PSMD1: variants seen among roughly 807,000 people sequenced by gnomAD.
PSMD1 encodes proteasome 26S subunit, non-ATPase 1.
In PSMD1, 18 loss-of-function variants were observed where a neutral mutation model predicts 119.0. The ratio of observed to expected loss-of-function variants is 0.15; its 90% CI spans 0.10 to 0.22. PSMD1 has a LOEUF of 0.22. Among genes scored for constraint, PSMD1 ranks in the 10% least tolerant of loss-of-function variants. The pLI is 1.00. For missense variants in PSMD1, 702 were observed against 1,158.5 expected, an observed-to-expected ratio of 0.61 and a Z score of 5.72; for synonymous variants, 374 against 396.6, an observed-to-expected ratio of 0.94 and a Z score of 0.68.
intron 14 of PSMD1, among the ~76,000 whole-genome samples, chr2:231,084,763 T>C (rs964880710): frequency 1.3e-5 from 2 of 152,206 alleles, no homozygotes; most frequent in African/African-American, 2.4e-5. Flanking sequence ...TGACTTGACT[T>C]TATACTTCCT....
rs925211355 is a variant in PSMD1, at chr2:231,143,785, T to G, written c.1999-2455T>G. Among the ~76,000 whole-genome samples, 5 of 152,326 alleles carry G rather than the reference T, an allele frequency of 3.3e-5. No homozygotes were observed. The East Asian group carries it at 5.8e-4, about 18-fold the overall frequency. On this transcript the variant is annotated intron_variant, in intron 17 of 24. Coordinates refer to ENST00000308696, the MANE Select transcript of PSMD1 (RefSeq NM_002807.4). ...TACAGTATGCCTGAACTCCCAAACT[T>G]ATTTATTAAAGGACTTCTTTTTTCA... is the stretch of plus-strand genomic sequence containing the variant.
intron 17 of PSMD1, among the ~76,000 whole-genome samples, chr2:231,139,546 C>A (rs1696054925): frequency 7.8e-6 from 1 of 127,674 alleles, no homozygotes; most frequent in Admixed American, 7.8e-5. Context: ...TGTGCCTGGC[C>A]CATTGATTTC....
At chr2:231,108,772 G>T (rs781205115) in intron 16 of PSMD1, 1 of 1,614,100 alleles carries the variant, frequency 6.2e-7, no homozygotes, top group South Asian at 1.1e-5. Context: ...CCCGGTAATT[G>T]CAGGTGATAT....
intron 1 of PSMD1, among the ~76,000 whole-genome samples, chr2:231,059,863 A>G (rs2125149194): frequency 6.6e-6 from 1 of 152,310 alleles, no homozygotes; most frequent in African/African-American, 2.4e-5. Flanking sequence ...GATGGGAAAT[A>G]CTAATGTATG....
At chr2:231,074,105 AT>A (rs1172000797) in intron 7 of PSMD1, among the ~76,000 whole-genome samples, 1 of 151,816 alleles carries the variant, frequency 6.6e-6, no homozygotes, top group Non-Finnish European at 1.5e-5. Context: ...GGGGGATAGA[AT>A]TTTTTATTTA....
At chr2:231,112,089 T>A (rs1239730158) in intron 16 of PSMD1, among the ~76,000 whole-genome samples, 2 of 152,180 alleles carry the variant, frequency 1.3e-5, no homozygotes, top group Non-Finnish European at 2.9e-5. Context: ...TTAATTATTC[T>A]TAAGGATCCA....
intron 16 of PSMD1, among the ~76,000 whole-genome samples, chr2:231,092,346 T>C (rs907456451): frequency 1.3e-5 from 2 of 151,246 alleles, no homozygotes; most frequent in Non-Finnish European, 3.0e-5. Context: ...AAACGTGGAG[T>C]TTTGGGGTGT....
chr2:231,087,676 C>T (rs1694485866), intron 16 of PSMD1, among the ~76,000 whole-genome samples: 1 of 152,058 alleles, frequency 6.6e-6, no homozygotes, highest in South Asian at 2.1e-4. Flanking sequence ...AGAAGTCATA[C>T]TCTTGGCTGG....
rs567101681 is a variant in PSMD1, at chr2:231,166,226, C to T, written c.2715+209C>T. 6.8e-4 allele frequency among the ~76,000 whole-genome samples: 103 copies of T among 152,264 alleles called. 1 individual carries two copies. In the South Asian group the frequency reaches 0.02, roughly 29 times the overall value. ...TTCCCTGTGTAACCCTACAAACTCCCGTCTTCTACCACAGACATACGACGT... is the reference window on the plus strand; with the variant it reads ...TTCCCTGTGTAACCCTACAAACTCCTGTCTTCTACCACAGACATACGACGT... On this transcript the variant is annotated intron_variant, in intron 23 of 24. Coordinates refer to ENST00000308696, the MANE Select transcript of PSMD1 (RefSeq NM_002807.4).
intron 18 of PSMD1, among the ~76,000 whole-genome samples, chr2:231,150,685 G>T (rs1696356762): frequency 6.6e-6 from 1 of 152,016 alleles, no homozygotes; most frequent in Non-Finnish European, 1.5e-5. Context: ...ATAATATATG[G>T]ATATGTATCA....
chr2:231,155,476 T>C (rs529238633), intron 19 of PSMD1, among the ~76,000 whole-genome samples: 27 of 151,130 alleles, frequency 1.8e-4, no homozygotes, highest in Non-Finnish European at 3.4e-4. Flanking sequence ...TTTATAATTT[T>C]AGATAATCTC....
intron 16 of PSMD1, among the ~76,000 whole-genome samples, chr2:231,120,435 A>AT: frequency 6.6e-6 from 1 of 152,316 alleles, no homozygotes; most frequent in East Asian, 1.9e-4. Flanking sequence ...GATTTTAGGA[A>AT]TTATGGACAA....
chr2:231,091,466 C>T (rs1348274903), intron 16 of PSMD1, among the ~76,000 whole-genome samples: 2 of 152,204 alleles, frequency 1.3e-5, no homozygotes, highest in Non-Finnish European at 2.9e-5. Context: ...CCTACATCTC[C>T]TCCTTCCTTT....
At chr2:231,166,418 T>G (rs1696786279) in intron 23 of PSMD1, among the ~76,000 whole-genome samples, 1 of 152,132 alleles carries the variant, frequency 6.6e-6, no homozygotes. Context: ...CATCCCTGAC[T>G]CAGAAATGAG....
intron 24 of PSMD1, among the ~76,000 whole-genome samples, chr2:231,171,692 G>A (rs1696915579): frequency 6.6e-6 from 1 of 151,924 alleles, no homozygotes; most frequent in African/African-American, 2.4e-5. Context: ...GAGTAGCTGG[G>A]ATTACAGGCA....
chr2:231,096,653 G>C (rs952301950), intron 16 of PSMD1, among the ~76,000 whole-genome samples: 2 of 152,352 alleles, frequency 1.3e-5, no homozygotes, highest in Non-Finnish European at 1.5e-5. Flanking sequence ...AGCAAGGCAA[G>C]TTACTTCTAT....
At position 231,107,145 on chromosome 2, in the gene PSMD1, T is replaced by C. The variant is rs193245765; in HGVS notation, c.1883+19964T>C. On this transcript the variant is annotated intron_variant, in intron 16 of 24. Coordinates refer to ENST00000308696, the MANE Select transcript of PSMD1 (RefSeq NM_002807.4). ...ATTTAGGAATTAAATGTGTATGATA[T>C]ACTCTTCCCAGCAGATTATATATAG... Among the ~76,000 whole-genome samples, 223 of 152,328 alleles carry C rather than the reference T, an allele frequency of 1.5e-3. 1 individual carries two copies. The highest frequency in any genetic ancestry group is 5.2e-3 in the African/African-American group (217 of 41,564).
intron 16 of PSMD1, among the ~76,000 whole-genome samples, chr2:231,132,126 A>C (rs1695869459): frequency 6.6e-6 from 1 of 152,204 alleles, no homozygotes; most frequent in African/African-American, 2.4e-5. Flanking sequence ...TGGAATTGTT[A>C]GTGCCTTTTG....
chr2:231,136,597 T>C (rs1695970984), intron 16 of PSMD1, among the ~76,000 whole-genome samples: 1 of 152,208 alleles, frequency 6.6e-6, no homozygotes, highest in African/African-American at 2.4e-5. Context: ...AAATGCAAAT[T>C]GCTAAACCTG....
Sources: gnomAD v4.1 joint callset for allele counts (sites outside exome capture counted in the v4.1 genomes callset) on GRCh38, gnomAD v4.1.1 for gene constraint, MANE v1.5 for transcripts, NCBI Gene and HGNC (gene_info 2026-07-23, HGNC 2026-07-21) for gene names.